MRTFB: variants seen among roughly 807,000 people sequenced by gnomAD.
MRTFB encodes myocardin related transcription factor B.
A neutral mutation model predicts 104.2 loss-of-function variants in MRTFB; 29 were observed. That is an observed-to-expected ratio of 0.28 (90% CI 0.21 to 0.38). The LOEUF is 0.38. MRTFB is among the 10% of genes least tolerant of loss of function. MRTFB has a pLI of 1.00. For synonymous variants in MRTFB, 535 were observed against 519.5 expected, an observed-to-expected ratio of 1.03 and a Z score of -0.41; for missense variants, 1,270 against 1,341.6, an observed-to-expected ratio of 0.95 and a Z score of 0.83.
chr16:14,206,127 C>T (rs1255314539), intron 3 of MRTFB, among the ~76,000 whole-genome samples: 1 of 152,160 alleles, frequency 6.6e-6, no homozygotes, highest in East Asian at 1.9e-4. Context: ...AGGAGGTCTC[C>T]AGGCTTAATC....
chr16:14,110,071 TTACTC>T (rs2036192408), intron 2 of MRTFB, among the ~76,000 whole-genome samples: 1 of 152,230 alleles, frequency 6.6e-6, no homozygotes, highest in African/African-American at 2.4e-5. Context: ...TGTGTCTTAT[TTACTC>T]TACTACCTTG....
At chr16:14,097,347 A>C (rs2035440164) in intron 2 of MRTFB, among the ~76,000 whole-genome samples, 1 of 152,220 alleles carries the variant, frequency 6.6e-6, no homozygotes, top group African/African-American at 2.4e-5. Context: ...GAAGCTAATA[A>C]ACAGACCACT....
At chr16:14,200,701 T>C (rs1428691945) in intron 3 of MRTFB, 1 of 1,534,292 alleles carries the variant, frequency 6.5e-7, no homozygotes, top group Non-Finnish European at 9.0e-7. Flanking sequence ...CTCAAGAGAA[T>C]GAAACTGTGT....
Position 14,240,493 on chromosome 16 carries a change from G to A in MRTFB, c.1079+9G>A. The A allele has an allele frequency of 6.2e-7, 1 of 1,614,186 alleles. No homozygotes were observed. The stretch of plus-strand genomic sequence containing the variant: ...CTGCCTGCACCATTCAAGTACGGCG[G>A]GGCCCATGCTATCCTCAACGCGGGG... On this transcript the variant is annotated intron_variant, in intron 10 of 16. Coordinates refer to ENST00000571589, the MANE Select transcript of MRTFB (RefSeq NM_001308142.2).
chr16:14,240,214 T>C (rs751913298), intron 9 of MRTFB, 23 bp from the exon 10 acceptor site: 3 of 1,563,924 alleles, frequency 1.9e-6, no homozygotes, highest in Non-Finnish European at 2.6e-6. Flanking sequence ...CTTTAAATGT[T>C]ATTTTCTTTT....
chr16:14,231,840 G>C (rs2042282923), intron 8 of MRTFB, among the ~76,000 whole-genome samples: 1 of 152,058 alleles, frequency 6.6e-6, no homozygotes, highest in South Asian at 2.1e-4. Context: ...GTTGTGTTTT[G>C]GTCCTTTCTA....
At chr16:14,213,904 C>CT (rs1444720459) in intron 6 of MRTFB, among the ~76,000 whole-genome samples, 1 of 152,300 alleles carries the variant, frequency 6.6e-6, no homozygotes, top group Non-Finnish European at 1.5e-5. Flanking sequence ...CAGAGGATTT[C>CT]TTTATCAGTG....
intron 2 of MRTFB, among the ~76,000 whole-genome samples, chr16:14,085,536 C>G (rs941268594): frequency 5.3e-5 from 8 of 150,078 alleles, no homozygotes; most frequent in African/African-American, 1.7e-4. Flanking sequence ...AATATTGATG[C>G]TTTTCTTTTC....
intron 2 of MRTFB, among the ~76,000 whole-genome samples, chr16:14,132,194 G>T (rs1303181165): frequency 6.6e-6 from 1 of 152,164 alleles, no homozygotes; most frequent in Non-Finnish European, 1.5e-5. Flanking sequence ...CATATTCTAT[G>T]ATTCTATTTA....
intron 2 of MRTFB, among the ~76,000 whole-genome samples, chr16:14,097,490 T>C (rs2035451422): frequency 6.6e-6 from 1 of 152,236 alleles, no homozygotes; most frequent in Non-Finnish European, 1.5e-5. Context: ...TTTGCAATAG[T>C]GAAAGATTTT....
At chr16:14,030,570 A>G in the MRTFB span, among the ~76,000 whole-genome samples, 1 of 152,024 alleles carries the variant, frequency 6.6e-6, no homozygotes, top group Non-Finnish European at 1.5e-5. Context: ...TTTTAAGTTG[A>G]CCCTAATTGC....
the MRTFB span, among the ~76,000 whole-genome samples, chr16:14,000,658 T>C: frequency 6.6e-6 from 1 of 152,260 alleles, no homozygotes; most frequent in Non-Finnish European, 1.5e-5. Context: ...CCATCCAGGC[T>C]GGGTACACAC....
At chr16:14,226,436 A>G (rs2042004330) in intron 8 of MRTFB, among the ~76,000 whole-genome samples, 2 of 152,342 alleles carry the variant, frequency 1.3e-5, no homozygotes, top group South Asian at 2.1e-4. Flanking sequence ...TGGGGAAAGG[A>G]TAGTCTCGTC....
chr16:14,122,142 T>TTA (rs2036876574), intron 2 of MRTFB, among the ~76,000 whole-genome samples: 1 of 152,146 alleles, frequency 6.6e-6, no homozygotes, highest in African/African-American at 2.4e-5. Context: ...TATGTAAGTG[T>TTA]TATATATATA....
rs1433974204 is a variant in MRTFB at position 14,264,083 on chromosome 16, G to C, written c.*2639G>C. 1 of 152,196 alleles carries C rather than the reference G, an allele frequency of 6.6e-6. No homozygotes were observed. The highest frequency in any genetic ancestry group is 1.5e-5 in the Non-Finnish European group (1 of 68,036). 9.4% of individuals were successfully genotyped at this position (152,196 alleles called of 1,614,324 possible). ...GGTGGATATTGACTAAAGACTGGTT[G>C]TTGTTGTTGTTTAGGTTAGTGTCAC... On this transcript the variant is annotated 3_prime_UTR_variant, in exon 17 of 17. Coordinates refer to ENST00000571589, the MANE Select transcript of MRTFB (RefSeq NM_001308142.2).
the MRTFB span, among the ~76,000 whole-genome samples, chr16:14,035,033 G>A: frequency 1.3e-5 from 2 of 152,172 alleles, no homozygotes; most frequent in African/African-American, 2.4e-5. Flanking sequence ...ACAGAAACAT[G>A]GTCGGAAAGT....
At chr16:14,238,287 A>G (rs1301561288) in intron 9 of MRTFB, among the ~76,000 whole-genome samples, 2 of 152,124 alleles carry the variant, frequency 1.3e-5, no homozygotes, top group African/African-American at 4.8e-5. Context: ...AGGCAGAAGG[A>G]GACAGAATTA....
At chr16:14,231,673 G>GC (rs1449809619) in intron 8 of MRTFB, among the ~76,000 whole-genome samples, 1 of 152,066 alleles carries the variant, frequency 6.6e-6, no homozygotes, top group Non-Finnish European at 1.5e-5. Context: ...TACTGTAATG[G>GC]CCCCCAGCTC....
At position 14,154,367 on chromosome 16, in the gene MRTFB, G is replaced by A. The variant is rs115685779; in HGVS notation, c.154+13607G>A. 4.6e-3 allele frequency among the ~76,000 whole-genome samples: 700 copies of A among 152,162 alleles called. 5 individuals carry two copies. Among genetic ancestry groups the A allele is most frequent in the African/African-American group, 0.016 (670 of 41,514 alleles). On this transcript the variant is annotated intron_variant, in intron 3 of 16. Transcript: ENST00000571589. ...AAAATTTTTTAAATGTTAAGGATAA[G>A]CTTGCTGTTAAAGTAGAAATTAAAA...
Sources: gnomAD v4.1 joint callset for allele counts (sites outside exome capture counted in the v4.1 genomes callset) on GRCh38, gnomAD v4.1.1 for gene constraint, MANE v1.5 for transcripts, NCBI Gene and HGNC (gene_info 2026-07-23, HGNC 2026-07-21) for gene names.